Variants in RIMS1 observed in about 807,000 individuals in gnomAD.
The protein encoded by RIMS1 is regulating synaptic membrane exocytosis 1.
A neutral mutation model predicts 214.1 loss-of-function variants in RIMS1; 83 were observed. The ratio of observed to expected loss-of-function variants is 0.39; its 90% confidence interval spans 0.32 to 0.47. The LOEUF is 0.47. RIMS1 is among the 20% of genes least tolerant of loss of function. The pLI, the probability that RIMS1 is intolerant of heterozygous loss-of-function variation, is 0.99. For missense variants in RIMS1, 2,050 were observed against 2,161.8 expected (o/e 0.95, Z 1.03); for synonymous variants, 793 against 786.8 (o/e 1.01, Z -0.13).
chr6:72,025,461 A>G (rs920265149), intron 2 of RIMS1, among the ~76,000 whole-genome samples: 9 of 152,208 alleles, frequency 5.9e-5, no homozygotes, highest in African/African-American at 2.2e-4. Context: ...AGTTTGCAAA[A>G]TATTTATATA....
intron 6 of RIMS1, among the ~76,000 whole-genome samples, chr6:72,199,148 C>T: frequency 6.6e-6 from 1 of 151,896 alleles, no homozygotes; most frequent in Non-Finnish European, 1.5e-5. Context: ...TATCCAATGA[C>T]TAATGAATGA....
At chr6:72,321,362 T>C (rs1301486701) in intron 28 of RIMS1, among the ~76,000 whole-genome samples, 1 of 152,164 alleles carries the variant, frequency 6.6e-6, no homozygotes, top group Non-Finnish European at 1.5e-5. Flanking sequence ...TCACTGAGTA[T>C]GTATATCAGC....
chr6:72,141,591 A>G (rs2042085929), intron 4 of RIMS1, among the ~76,000 whole-genome samples: 1 of 152,054 alleles, frequency 6.6e-6, no homozygotes, highest in South Asian at 2.1e-4. Flanking sequence ...CAAATGAAAG[A>G]AAATAAGGAG....
At chr6:71,911,051 G>T (rs558404217) in intron 1 of RIMS1, among the ~76,000 whole-genome samples, 1 of 152,214 alleles carries the variant, frequency 6.6e-6, no homozygotes, top group African/African-American at 2.4e-5. Flanking sequence ...CAGTATAGAA[G>T]GTGCCACTTG....
At chr6:72,268,385 T>C (rs2081538881) in intron 22 of RIMS1, among the ~76,000 whole-genome samples, 1 of 152,220 alleles carries the variant, frequency 6.6e-6, no homozygotes. Context: ...TTAGAGCAAA[T>C]GTTTTAAAAA....
chr6:72,274,371 G>T lies in RIMS1; in HGVS notation c.3421G>T (p.Asp1141Tyr), dbSNP rs753621011. ...CAGGGGTAGATGGTCCCCCTCCCTAGATAGGAGACGACCTCCTAGTCCCAG... is the reference window on the plus strand; with the variant it reads ...CAGGGGTAGATGGTCCCCCTCCCTATATAGGAGACGACCTCCTAGTCCCAG... ...RERGRWSPSL[D>Y]RRRPPSPRIQ... The change falls in exon 23 of 34, where the codon GAT becomes TAT. Residue 1141 changes from aspartate to tyrosine, a missense_variant. Around this residue, in one of 6 missense-constraint regions of RIMS1, gnomAD observed 889 missense variants for 885.5 expected, o/e 1.00. Coordinates refer to ENST00000521978, the MANE Select transcript of RIMS1 (RefSeq NM_014989.7). The T allele has an allele frequency of 6.2e-7, 1 of 1,612,584 alleles. No individual in the cohort carries two copies. Among genetic ancestry groups the T allele is most frequent in the African/African-American group, 1.3e-5 (1 of 75,000 alleles).
intron 1 of RIMS1, among the ~76,000 whole-genome samples, chr6:71,944,719 A>G (rs1464307149): frequency 6.6e-6 from 1 of 152,138 alleles, no homozygotes; most frequent in East Asian, 1.9e-4. Context: ...TGGTGTGTGG[A>G]CTTTATCTCG....
chr6:72,028,605 T>A (rs763623890), intron 2 of RIMS1, among the ~76,000 whole-genome samples: 3 of 152,162 alleles, frequency 2.0e-5, no homozygotes, highest in Non-Finnish European at 4.4e-5. Context: ...TGGTGATGAG[T>A]CAACACACCT....
At chr6:72,008,511 TA>T (rs1425748367) in intron 2 of RIMS1, among the ~76,000 whole-genome samples, 1 of 152,156 alleles carries the variant, frequency 6.6e-6, no homozygotes, top group Non-Finnish European at 1.5e-5. Flanking sequence ...ATGCTCCAAT[TA>T]AAAGACACAA....
intron 4 of RIMS1, among the ~76,000 whole-genome samples, chr6:72,164,530 C>T (rs775296527): frequency 5.3e-5 from 8 of 152,170 alleles, no homozygotes; most frequent in Non-Finnish European, 1.2e-4. Flanking sequence ...GCCATCTTGG[C>T]TCCACAAAAG....
At chr6:72,354,567 C>G (rs760808475) in intron 29 of RIMS1, among the ~76,000 whole-genome samples, 35 of 152,150 alleles carry the variant, frequency 2.3e-4, no homozygotes, top group Non-Finnish European at 3.8e-4. Flanking sequence ...CATTTTGTTT[C>G]TTAGATGCTC....
At chr6:72,383,626 A>C (rs2098533681) in intron 29 of RIMS1, among the ~76,000 whole-genome samples, 1 of 151,002 alleles carries the variant, frequency 6.6e-6, no homozygotes, top group Admixed American at 6.6e-5. Context: ...AAAAAAAAAA[A>C]AAAAACTAAA....
chr6:72,073,156 AT>A (rs1266282858), intron 2 of RIMS1, among the ~76,000 whole-genome samples: 1 of 151,994 alleles, frequency 6.6e-6, no homozygotes, highest in Non-Finnish European at 1.5e-5. Flanking sequence ...CAGCATTTGT[AT>A]TTTTGTCATC....
intron 17 of RIMS1, 84 bp downstream of exon 17, chr6:72,258,365 G>GA: frequency 2.3e-6 from 3 of 1,299,514 alleles, no homozygotes; most frequent in Admixed American, 5.2e-5. Flanking sequence ...TAACTGAAAT[G>GA]AAAAAATAGT....
chr6:72,093,589 C>T (rs2029930072), intron 2 of RIMS1, among the ~76,000 whole-genome samples: 1 of 151,872 alleles, frequency 6.6e-6, no homozygotes, highest in Non-Finnish European at 1.5e-5. Flanking sequence ...TTTTTAAAAT[C>T]TAATGTGATG....
At chr6:72,239,065 TAACTC>T (rs548852355) in intron 9 of RIMS1, among the ~76,000 whole-genome samples, 360 of 152,242 alleles carry the variant, frequency 2.4e-3, no homozygotes, top group Non-Finnish European at 4.0e-3. Context: ...AGTAGGAAAA[TAACTC>T]AATCAGGGTT....
intron 6 of RIMS1, among the ~76,000 whole-genome samples, chr6:72,191,474 A>G (rs945365800): frequency 1.3e-5 from 2 of 152,228 alleles, no homozygotes; most frequent in African/African-American, 2.4e-5. Flanking sequence ...ACAGGATCCA[A>G]TCAGCATAAT....
chr6:72,210,966 C>T (rs1046714621), intron 6 of RIMS1, among the ~76,000 whole-genome samples: 5 of 152,106 alleles, frequency 3.3e-5, no homozygotes, highest in African/African-American at 4.8e-5. Flanking sequence ...GGCCGACTGT[C>T]CCTTGAAGAC....
intron 4 of RIMS1, among the ~76,000 whole-genome samples, chr6:72,116,082 G>A (rs1218552669): frequency 6.6e-6 from 1 of 151,900 alleles, no homozygotes; most frequent in Non-Finnish European, 1.5e-5. Context: ...TGACTACTGA[G>A]GCAGTCTGGA....
Sources: gnomAD v4.1 joint callset for allele counts (sites outside exome capture counted in the v4.1 genomes callset) on GRCh38, gnomAD v4.1.1 for gene constraint, gnomAD v4.1.1 regional missense constraint, MANE v1.5 for transcripts, NCBI Gene and HGNC (gene_info 2026-07-23, HGNC 2026-07-21) for gene names.